Variants in ATAD5 observed in about 807,000 individuals in gnomAD.
ATAD5 encodes the protein ATPase family AAA domain containing 5, also known as ATPase family AAA domain-containing protein 5.
Under a neutral mutation model 176.9 loss-of-function variants are expected in ATAD5, and 58 were observed. The observed-to-expected ratio is 0.33, with a 90% CI of 0.27 to 0.41. The LOEUF is 0.41. Ranked by LOEUF, ATAD5 falls within the 10% of genes least tolerant of loss-of-function variation. The pLI, the probability that ATAD5 is intolerant of heterozygous loss-of-function variation, is 1.00. For synonymous variants in ATAD5, 640 were observed against 712.6 expected, an observed-to-expected ratio of 0.90 and a Z score of 1.62; for missense variants, 1,789 against 2,094.1, an observed-to-expected ratio of 0.85 and a Z score of 2.84.
intron 11 of ATAD5, among the ~76,000 whole-genome samples, chr17:30,867,361 C>A (rs549789859): frequency 6.6e-6 from 1 of 152,112 alleles, no homozygotes; most frequent in Non-Finnish European, 1.5e-5. Context: ...GATCGCACCC[C>A]TACACTCCAG....
Position 30,894,905 on chromosome 17 carries a change from T to C in ATAD5, c.5527T>C (p.Phe1843Leu). 6.3e-7 allele frequency: 1 copy of C among 1,594,956 alleles called. No homozygotes were observed. Among genetic ancestry groups the C allele is most frequent in the East Asian group, 2.2e-5 (1 of 44,584 alleles). Reference protein sequence around the residue: ...KETVNTLAADFP With the variant: ...KETVNTLAADLP ...GACTGTGAATACTTTGGCAGCTGACTTCCCTTAATGTTCCATACTAACAAT... is the reference window on the plus strand; with the variant it reads ...GACTGTGAATACTTTGGCAGCTGACCTCCCTTAATGTTCCATACTAACAAT... The change falls in exon 23 of 23, where the codon TTC becomes CTC. Residue 1843 changes from phenylalanine (F) to leucine (L), a missense_variant. Around this residue, in one of 6 missense-constraint regions of ATAD5, gnomAD observed 403 missense variants for 495.1 expected, o/e 0.81. Coordinates refer to ENST00000321990, the MANE Select transcript of ATAD5 (RefSeq NM_024857.5).
At chr17:30,849,402 A>G (rs1312863019) in intron 6 of ATAD5, among the ~76,000 whole-genome samples, 2 of 152,174 alleles carry the variant, frequency 1.3e-5, no homozygotes, top group African/African-American at 4.8e-5. Context: ...AGCTGTTTGC[A>G]ATTTGAAGCT....
At chr17:30,880,672 T>A (rs997237291) in intron 18 of ATAD5, among the ~76,000 whole-genome samples, 2 of 151,990 alleles carry the variant, frequency 1.3e-5, no homozygotes, top group African/African-American at 2.4e-5. Context: ...TATGTTAAAA[T>A]TTTTAAGTTT....
chr17:30,892,846 A>G, intron 20 of ATAD5, 58 bp downstream of exon 20: 1 of 1,321,298 alleles, frequency 7.6e-7, no homozygotes, highest in Non-Finnish European at 1.0e-6. Flanking sequence ...TATTCCCAAC[A>G]TTAGCCTCCT....
At position 30,893,550 on chromosome 17, in the gene ATAD5, A is replaced by G; in HGVS notation, c.4697A>G (p.Gln1566Arg). Residue 1566 changes from glutamine to arginine, a missense_variant, in exon 21 of 23, where the codon CAA (glutamine) becomes CGA (arginine). Physicochemically the swap from Gln to Arg is conservative, Grantham distance 43 (BLOSUM62 1). Coordinates refer to ENST00000321990, the MANE Select transcript of ATAD5 (RefSeq NM_024857.5). ...QPLKKSQKKK[Q>R]KKTLVILDDS... is the part of the protein sequence containing the mutation. ...TTGAAAAAGTCCCAGAAAAAGAAAC[A>G]AAAGAAAACATTGGTAATATTAGAT... 1 of 1,611,908 alleles carries G rather than the reference A, an allele frequency of 6.2e-7. No homozygotes were observed.
intron 18 of ATAD5, among the ~76,000 whole-genome samples, chr17:30,886,264 T>C (rs1032775200): frequency 1.3e-5 from 2 of 151,714 alleles, no homozygotes; most frequent in Admixed American, 6.6e-5. Context: ...TTCTCTTTTT[T>C]CTAAGAGTTT....
intron 20 of ATAD5, 150 bp downstream of exon 20, chr17:30,892,938 C>A: frequency 1.4e-6 from 1 of 697,596 alleles, no homozygotes; most frequent in Non-Finnish European, 2.2e-6. Context: ...CATCCTACCA[C>A]TTTGACAAAT....
chr17:30,840,714 C>G lies in ATAD5; in HGVS notation c.2174C>G (p.Ala725Gly). 1 of 1,609,028 alleles carries G rather than the reference C, an allele frequency of 6.2e-7. No homozygotes were observed. Among genetic ancestry groups the G allele is most frequent in the Non-Finnish European group, 8.5e-7 (1 of 1,178,162 alleles). Residue 725 changes from alanine (A) to glycine (G), a missense_variant, in exon 4 of 23, where the codon GCG (alanine) becomes GGG (glycine). Physicochemically the swap from Ala to Gly is moderately conservative, Grantham distance 60 (BLOSUM62 0). Transcript: ENST00000321990. ...AGGTCAAAGGTGACTGAAGAAATAG[C>G]GATACCCTTAAGGCGCTCCTCTAGA... ...ISRSKVTEEI[A>G]IPLRRSSRHQ...
chr17:30,891,860 AT>A (rs1909655948), intron 19 of ATAD5, among the ~76,000 whole-genome samples: 1 of 150,210 alleles, frequency 6.7e-6, no homozygotes, highest in African/African-American at 2.4e-5. Flanking sequence ...TAATTTTTGT[AT>A]TTTGAATAGA....
intron 18 of ATAD5, among the ~76,000 whole-genome samples, chr17:30,881,618 A>T (rs545944431): frequency 3.9e-5 from 6 of 152,112 alleles, no homozygotes; most frequent in Non-Finnish European, 5.9e-5. Flanking sequence ...CTTACTTTTA[A>T]ATTGTGTTTC....
In ATAD5 at chr17:30,840,797, A is replaced by G; in HGVS notation, c.2241+16A>G. On this transcript the variant is annotated intron_variant, in intron 4 of 22. Coordinates refer to ENST00000321990, the MANE Select transcript of ATAD5 (RefSeq NM_024857.5). ...AGAAACAGAAGTAAGTATTATAAAT[A>G]TCTGTTGGTATAAATTCTCTCCTAT... 6.3e-7 allele frequency: 1 copy of G among 1,580,960 alleles called. No homozygotes were observed. The highest frequency in any genetic ancestry group is 2.3e-5 in the East Asian group (1 of 43,596).
rs61745366 is a variant in ATAD5 at position 30,878,054 on chromosome 17, T to C, written c.3970T>C (p.Phe1324Leu). 0.016 allele frequency: 25,474 copies of C among 1,611,588 alleles called. 1,422 individuals carry two copies. In the African/African-American group the frequency reaches 0.18, roughly 12 times the overall value. Residue 1324 changes from phenylalanine (F) to leucine (L), a missense_variant, in exon 17 of 23, where the codon TTC (phenylalanine) becomes CTC (leucine). Phe to Leu is a conservative substitution (Grantham distance 22, BLOSUM62 0). This residue lies in a region of ATAD5 where 194 missense variants were observed against 270.1 expected (regional missense o/e 0.72). Coordinates refer to ENST00000321990, the MANE Select transcript of ATAD5 (RefSeq NM_024857.5). ...TGGGTTTTTGAATGCAATCAAAACA[T>C]TCATGGCAACAACTAAACGACCTGT... ...DAGFLNAIKT[F>L]MATTKRPVIL...
chr17:30,876,310 ACTGT>A (rs1908673720), intron 14 of ATAD5, 60 bp from the exon 15 acceptor site: 3 of 1,393,990 alleles, frequency 2.2e-6, no homozygotes, highest in Admixed American at 2.6e-5. Flanking sequence ...AATGTGGCTA[ACTGT>A]CTTGCTACCT....
intron 6 of ATAD5, among the ~76,000 whole-genome samples, chr17:30,852,574 AAG>A (rs1250643600): frequency 2.0e-5 from 3 of 152,194 alleles, no homozygotes; most frequent in Non-Finnish European, 4.4e-5. Flanking sequence ...TATAGAGAAA[AAG>A]AGGTTTATTT....
At chr17:30,882,654 A>T (rs1469086746) in intron 18 of ATAD5, among the ~76,000 whole-genome samples, 1 of 152,060 alleles carries the variant, frequency 6.6e-6, no homozygotes, top group Non-Finnish European at 1.5e-5. Flanking sequence ...AGTCTTTTGG[A>T]TTAACCAAGT....
rs530773109 is a variant in ATAD5 at position 30,846,209 on chromosome 17, C to T, written c.2450+1293C>T. ...CCATCAATTAGTTTGATTTCTATTA[C>T]CATAGATTAATTGTGTCTATTCTAG... is the stretch of plus-strand genomic sequence containing the variant. On this transcript the variant is annotated intron_variant, in intron 6 of 22. Transcript: ENST00000321990. 3.9e-5 allele frequency among the ~76,000 whole-genome samples: 6 copies of T among 152,142 alleles called. No individual in the cohort carries two copies. In the South Asian group the frequency reaches 1.2e-3, roughly 32 times the overall value.
intron 2 of ATAD5, among the ~76,000 whole-genome samples, chr17:30,836,706 T>C (rs970325714): frequency 6.6e-5 from 10 of 152,214 alleles, no homozygotes; most frequent in South Asian, 4.1e-4. Context: ...TAGCTGGGAT[T>C]ACAGGTGCGT....
At chr17:30,886,477 G>T (rs1248527776) in intron 18 of ATAD5, among the ~76,000 whole-genome samples, 1 of 151,656 alleles carries the variant, frequency 6.6e-6, no homozygotes, top group Non-Finnish European at 1.5e-5. Context: ...TTGGTTCACT[G>T]TAACCTCCAC....
At position 30,834,765 on chromosome 17, in the gene ATAD5, G is replaced by A. The variant is rs774332249; in HGVS notation, c.684G>A (p.Leu228=). ...ESLPLAEELN[L]LKKDGKDTKQ... is the part of the protein sequence containing the mutation. Reference sequence around the variant, plus strand: ...TACCCTTGGCAGAGGAACTAAATTTGCTTAAAAAAGATGGTAAAGATACTA... The same window carrying A: ...TACCCTTGGCAGAGGAACTAAATTTACTTAAAAAAGATGGTAAAGATACTA... The change falls in exon 2 of 23, where the codon TTG becomes TTA. Residue 228 remains leucine (L), a synonymous_variant. Coordinates refer to ENST00000321990, the MANE Select transcript of ATAD5 (RefSeq NM_024857.5). The A allele has an allele frequency of 6.2e-7, 1 of 1,613,996 alleles. No individual in the cohort carries two copies.
Sources: allele counts gnomAD v4.1 joint callset (sites outside exome capture counted in the v4.1 genomes callset), GRCh38; gene constraint gnomAD v4.1.1; regional missense constraint gnomAD v4.1.1; transcripts MANE v1.5; gene names NCBI Gene and HGNC (gene_info 2026-07-23, HGNC 2026-07-21).